The following IPO5 variants were observed in gnomAD, a reference collection of about 807,000 sequenced individuals.
The protein encoded by IPO5 is importin 5.
IPO5 carries 18 observed loss-of-function variants against 143.3 expected under a neutral mutation model. The observed-to-expected ratio is 0.13, with a 90% CI of 0.09 to 0.19. The LOEUF is 0.19. Among genes scored for constraint, IPO5 ranks in the 10% least tolerant of loss-of-function variants. IPO5 has a pLI of 1.00. For synonymous variants in IPO5, 477 were observed against 465.7 expected (o/e 1.02, Z -0.31); for missense variants, 1,013 against 1,336.9 (o/e 0.76, Z 3.78).
At chr13:97,988,801 C>A (rs1439468332) in intron 6 of IPO5, among the ~76,000 whole-genome samples, 1 of 151,790 alleles carries the variant, frequency 6.6e-6, no homozygotes, top group African/African-American at 2.4e-5. Flanking sequence ...AAAAGAAGAA[C>A]CTCTGTTAAT....
At chr13:97,966,426 C>T (rs1188691385) in intron 2 of IPO5, among the ~76,000 whole-genome samples, 1 of 152,124 alleles carries the variant, frequency 6.6e-6, no homozygotes, top group Non-Finnish European at 1.5e-5. Flanking sequence ...TGGTATATTA[C>T]ATTGATTTTC....
intron 11 of IPO5, among the ~76,000 whole-genome samples, chr13:97,996,882 G>A (rs959325925): frequency 3.3e-5 from 5 of 152,118 alleles, no homozygotes; most frequent in African/African-American, 4.8e-5. Context: ...ATAAGCCACC[G>A]CGCCTAGACT....
intron 5 of IPO5, 103 bp from the exon 6 acceptor site, chr13:97,985,318 T>C (rs990961512): frequency 2.3e-6 from 2 of 860,384 alleles, no homozygotes; most frequent in Non-Finnish European, 3.7e-6. Context: ...GTTATATATT[T>C]ACTTCTTTAG....
chr13:98,019,213 A>G (rs1168394210), intron 26 of IPO5, among the ~76,000 whole-genome samples: 4 of 152,056 alleles, frequency 2.6e-5, no homozygotes, highest in African/African-American at 2.4e-5. Flanking sequence ...CAGCCTCCCA[A>G]AGTGCTGAGA....
intron 7 of IPO5, 105 bp from the exon 8 acceptor site, chr13:97,990,021 C>T (rs571131894): frequency 1.0e-5 from 7 of 688,334 alleles, no homozygotes; most frequent in South Asian, 3.6e-5. Flanking sequence ...TGGATTAATG[C>T]GTACTGAGTC....
chr13:97,996,127 A>T (rs1888264281), intron 11 of IPO5, among the ~76,000 whole-genome samples: 1 of 152,122 alleles, frequency 6.6e-6, no homozygotes, highest in Non-Finnish European at 1.5e-5. Flanking sequence ...TTGCTCTGTC[A>T]TCCAGGCTAG....
intron 4 of IPO5, among the ~76,000 whole-genome samples, chr13:97,979,298 T>G (rs886822877): frequency 6.6e-6 from 1 of 152,234 alleles, no homozygotes; most frequent in African/African-American, 2.4e-5. Flanking sequence ...AGGTGACTTT[T>G]GTATTCAAAT....
intron 5 of IPO5, among the ~76,000 whole-genome samples, chr13:97,984,407 C>T (rs1040387641): frequency 7.2e-5 from 11 of 152,144 alleles, no homozygotes; most frequent in African/African-American, 2.7e-4. Flanking sequence ...TTATTTAAAT[C>T]TTAACTAGAT....
chr13:97,975,189 A>G (rs1886165784), intron 3 of IPO5, among the ~76,000 whole-genome samples: 1 of 132,160 alleles, frequency 7.6e-6, no homozygotes, highest in Admixed American at 9.5e-5. Flanking sequence ...TTGTTTTTGT[A>G]GCTGGGCGCA....
In IPO5 at chr13:98,006,356, ATTTTTTTTTTTTTTTTTTT is replaced by A. The variant is rs568589408; in HGVS notation, c.1716+26_1716+44del. The A allele has an allele frequency of 4.2e-4, 232 of 556,640 alleles. 1 individual carries two copies. Among genetic ancestry groups the A allele is most frequent in the East Asian group, 2.0e-3 (42 of 21,192 alleles). The allele number at this position is 556,640 out of a possible 1,614,324, so 34.5% of individuals were successfully genotyped here. A position where few individuals can be genotyped will look rare whatever the true frequency, so the allele number is the denominator to read the frequency against. On this transcript the variant is annotated intron_variant, in intron 17 of 28. Transcript: ENST00000651721. The stretch of plus-strand genomic sequence containing the variant: ...GCTGTTGGGAAGGAAAAAGTAAGTA[ATTTTTTTTTTTTTTTTTTT>A]TTTTTTTTTTTTTTTTTGAGACAGA...
intron 18 of IPO5, among the ~76,000 whole-genome samples, chr13:98,009,261 T>A (rs145102406): frequency 1.3e-5 from 2 of 152,338 alleles, no homozygotes; most frequent in Admixed American, 6.5e-5. Context: ...ATGACAGATA[T>A]CAGGGGATAA....
At chr13:97,963,195 C>G (rs1885032071) in intron 2 of IPO5, 1 of 152,102 alleles carries the variant, frequency 6.6e-6, no homozygotes, top group South Asian at 2.1e-4. Context: ...GCTGTTTGAC[C>G]AAACAACGGG....
intron 28 of IPO5, 130 bp downstream of exon 28, chr13:98,021,263 C>A: frequency 1.3e-6 from 1 of 761,206 alleles, no homozygotes. Flanking sequence ...TCTCTTGTCT[C>A]CAAGCCTCAA....
At chr13:98,002,109 G>C (rs1350403428) in intron 13 of IPO5, 1 of 160,790 alleles carries the variant, frequency 6.2e-6, no homozygotes, top group Non-Finnish European at 1.3e-5. Context: ...CGCCCCCCCG[G>C]GTTCACACCA....
intron 2 of IPO5, among the ~76,000 whole-genome samples, chr13:97,955,442 G>C (rs1310866770): frequency 6.6e-6 from 1 of 152,176 alleles, no homozygotes; most frequent in Admixed American, 6.5e-5. Context: ...ATTTTATGTT[G>C]GCAGCTACAA....
At chr13:97,989,419 T>C (rs1484863912) in intron 7 of IPO5, among the ~76,000 whole-genome samples, 3 of 152,200 alleles carry the variant, frequency 2.0e-5, no homozygotes, top group Admixed American at 1.3e-4. Flanking sequence ...TCTGAAAGTT[T>C]TATTGAACAG....
chr13:97,969,070 G>A (rs1355823159), intron 2 of IPO5, among the ~76,000 whole-genome samples: 1 of 147,438 alleles, frequency 6.8e-6, no homozygotes, highest in Admixed American at 6.9e-5. Flanking sequence ...TTTGCATGGT[G>A]TGTCTTTTTC....
intron 28 of IPO5, 24 bp downstream of exon 28, chr13:98,021,157 G>A: frequency 1.9e-6 from 3 of 1,571,728 alleles, no homozygotes; most frequent in East Asian, 2.3e-5. Flanking sequence ...GTTGAATTGG[G>A]GAGGGGGAGA....
chr13:97,964,690 C>T (rs1241349157), intron 2 of IPO5, among the ~76,000 whole-genome samples: 1 of 151,744 alleles, frequency 6.6e-6, no homozygotes, highest in Non-Finnish European at 1.5e-5. Flanking sequence ...ACCTCATGAC[C>T]CGCCCGCCTC....
Sources: allele counts gnomAD v4.1 joint callset (sites outside exome capture counted in the v4.1 genomes callset), GRCh38; gene constraint gnomAD v4.1.1; transcripts MANE v1.5; gene names NCBI Gene and HGNC (gene_info 2026-07-23, HGNC 2026-07-21).